The following ESYT2 variants were observed in gnomAD, a reference collection of about 807,000 sequenced individuals.
ESYT2 encodes the protein extended synaptotagmin-2.
A neutral mutation model predicts 107.2 loss-of-function variants in ESYT2; 54 were observed. That is an observed-to-expected ratio of 0.50 (90% CI 0.40 to 0.63). The LOEUF (loss-of-function observed/expected upper bound fraction) is 0.63. ESYT2 is among the 30% of genes least tolerant of loss of function. ESYT2 has a pLI of 0.00. For missense variants in ESYT2, 1,020 were observed against 1,094.5 expected, an observed-to-expected ratio of 0.93 and a Z score of 0.96; for synonymous variants, 491 against 434.1, an observed-to-expected ratio of 1.13 and a Z score of -1.63.
chr7:158,758,683 AC>A (rs1202087670), intron 13 of ESYT2, among the ~76,000 whole-genome samples: 1 of 152,198 alleles, frequency 6.6e-6, no homozygotes, highest in Non-Finnish European at 1.5e-5. Context: ...TGAAATAAAC[AC>A]TGAGTGCCTA....
At chr7:158,735,076 A>C (rs1047099212) in intron 21 of ESYT2, among the ~76,000 whole-genome samples, 1 of 152,274 alleles carries the variant, frequency 6.6e-6, no homozygotes, top group African/African-American at 2.4e-5. Flanking sequence ...ATGGCAGCAC[A>C]GCTGACGAAA....
chr7:158,735,420 G>C (rs1466400869), intron 21 of ESYT2, 83 bp downstream of exon 21: 1 of 1,169,998 alleles, frequency 8.5e-7, no homozygotes, highest in Non-Finnish European at 1.3e-6. Context: ...CACTTACACA[G>C]ACATGGTCTA....
intron 22 of ESYT2, 69 bp from the exon 23 acceptor site, chr7:158,734,321 T>C: frequency 3.7e-6 from 6 of 1,612,656 alleles, no homozygotes; most frequent in Non-Finnish European, 5.1e-6. Context: ...ATCAGATACG[T>C]GTCGGGTTCC....
intron 5 of ESYT2, 103 bp from the exon 6 acceptor site, chr7:158,788,196 ACTT>A (rs1404993476): frequency 2.8e-5 from 33 of 1,190,904 alleles, no homozygotes; most frequent in African/African-American, 2.6e-4. Flanking sequence ...TGAGCATGTG[ACTT>A]CTTATTTATC....
rs769627213 is a variant in ESYT2 at position 158,829,190 on chromosome 7, G to C, written c.229C>G (p.Arg77Gly). ...LALLAWCRRS[R>G]GLKALRLCRA... is the part of the protein sequence containing the mutation. ...CACAGGCGCAGGGCCTTGAGGCCGC[G>C]GCTGCGGCGACACCAGGCGAGCAGC... Residue 77 changes from arginine (R) to glycine (G), a missense_variant, in exon 1 of 23, where the codon CGC becomes GGC. Physicochemically the swap from Arg to Gly is moderately radical, Grantham distance 125 (BLOSUM62 -2). Coordinates refer to ENST00000275418, the MANE Select transcript of ESYT2 (RefSeq NM_001367773.1). 1.2e-5 allele frequency: 19 copies of C among 1,535,350 alleles called. No homozygotes were observed. Among genetic ancestry groups the C allele is most frequent in the East Asian group, 2.5e-5 (1 of 40,270 alleles).
chr7:158,821,919 C>T (rs573482787), intron 1 of ESYT2, among the ~76,000 whole-genome samples: 3 of 152,156 alleles, frequency 2.0e-5, no homozygotes, highest in Non-Finnish European at 2.9e-5. Context: ...ATTTATAACA[C>T]GCCCCCTTAG....
At chr7:158,739,650 C>T (rs541778564) in intron 18 of ESYT2, among the ~76,000 whole-genome samples, 12 of 152,276 alleles carry the variant, frequency 7.9e-5, no homozygotes, top group African/African-American at 2.6e-4. Flanking sequence ...GTCCAGCCAA[C>T]TGACAGTTTT....
intron 1 of ESYT2, among the ~76,000 whole-genome samples, chr7:158,814,785 C>T (rs1388559696): frequency 2.6e-5 from 4 of 152,204 alleles, no homozygotes; most frequent in South Asian, 4.1e-4. Context: ...TATGGCCAGG[C>T]GGGTACACCT....
chr7:158,828,757 G>A (rs1469568222), intron 1 of ESYT2, among the ~76,000 whole-genome samples: 2 of 152,060 alleles, frequency 1.3e-5, no homozygotes, highest in Non-Finnish European at 2.9e-5. Flanking sequence ...CCGGAGGCCG[G>A]GGCGGGGCTG....
At chr7:158,828,954 G>C in intron 1 of ESYT2, 135 bp downstream of exon 1, 1 of 1,349,216 alleles carries the variant, frequency 7.4e-7, no homozygotes, top group Non-Finnish European at 9.6e-7. Context: ...GGGGGACTAC[G>C]AAGGCGGGAG....
Position 158,829,452 on chromosome 7 carries a change from G to A in ESYT2, c.-34C>T. Reference sequence around the variant, plus strand: ...AGTGCCGCGCTGCCCTCCCGGCCGAGGCGGGCTGGGTGCTCGCGCTGATCC... The same window carrying A: ...AGTGCCGCGCTGCCCTCCCGGCCGAAGCGGGCTGGGTGCTCGCGCTGATCC... On this transcript the variant is annotated 5_prime_UTR_variant, in exon 1 of 23. Coordinates refer to ENST00000275418, the MANE Select transcript of ESYT2 (RefSeq NM_001367773.1). 8.4e-7 allele frequency: 1 copy of A among 1,197,070 alleles called. No individual in the cohort carries two copies. 74.2% of individuals were successfully genotyped at this position (1,197,070 alleles called of 1,614,324 possible).
At chr7:158,791,935 C>CTTCTTTG (rs1839305378) in intron 4 of ESYT2, among the ~76,000 whole-genome samples, 7 of 149,526 alleles carry the variant, frequency 4.7e-5, no homozygotes, top group Non-Finnish European at 8.9e-5. Flanking sequence ...GAATGTTTTT[C>CTTCTTTG]TATTTATTTG....
chr7:158,820,119 C>T (rs948737772), intron 1 of ESYT2, among the ~76,000 whole-genome samples: 1 of 152,158 alleles, frequency 6.6e-6, no homozygotes, highest in African/African-American at 2.4e-5. Context: ...CTAGCAACTA[C>T]CATTATGGAT....
At position 158,829,355 on chromosome 7, in the gene ESYT2, G is replaced by A. The variant is rs1840563203; in HGVS notation, c.64C>T (p.Pro22Ser). Residue 22 changes from proline (P) to serine (S), a missense_variant, in exon 1 of 23, where the codon CCT becomes TCT. Pro to Ser is a moderately conservative substitution (Grantham distance 74). Transcript: ENST00000275418. ...CTCAGCACGCCCCCGGGGTTCTCAG[G>A]CGCCGCGCGGCCCCCAGCCCCGCCG... is the stretch of plus-strand genomic sequence containing the variant. ...GAGGAGGRAA[P>S]ENPGGVLSVE... is the part of the protein sequence containing the mutation. 1.4e-6 allele frequency: 2 copies of A among 1,393,578 alleles called. No individual in the cohort carries two copies. Among genetic ancestry groups the A allele is most frequent in the Non-Finnish European group, 1.9e-6 (2 of 1,077,832 alleles). 86.3% of individuals were successfully genotyped at this position (1,393,578 alleles called of 1,614,324 possible).
rs1837317989 is a variant in ESYT2, at chr7:158,744,102, C to G, written c.1645-424G>C. 3 of 158,800 alleles carry G rather than the reference C, an allele frequency of 1.9e-5. No homozygotes were observed. The South Asian group carries it at 5.3e-4, about 28-fold the overall frequency. The allele number at this position is 158,800 out of a possible 1,614,324, so 9.8% of individuals were successfully genotyped here. A position where few individuals can be genotyped will look rare whatever the true frequency, so the allele number is the denominator to read the frequency against. On this transcript the variant is annotated intron_variant, in intron 16 of 22. Transcript: ENST00000275418. ...AAACAAATGTAGAAAGGTCCACAGA[C>G]AATATTAGTCTGTAAGAAAGATATT...
At chr7:158,795,956 C>CA (rs1291597290) in intron 3 of ESYT2, among the ~76,000 whole-genome samples, 1 of 152,214 alleles carries the variant, frequency 6.6e-6, no homozygotes, top group African/African-American at 2.4e-5. Flanking sequence ...GCTTCTGAGA[C>CA]AGAGCATTCT....
intron 1 of ESYT2, among the ~76,000 whole-genome samples, chr7:158,812,433 G>A (rs1433128380): frequency 6.6e-6 from 1 of 152,200 alleles, no homozygotes; most frequent in Non-Finnish European, 1.5e-5. Context: ...CACTAGGACA[G>A]CAATAACAAT....
At chr7:158,782,527 G>A (rs1307540) in intron 6 of ESYT2, among the ~76,000 whole-genome samples, 138,965 of 147,616 alleles carry the variant, frequency 0.94, 65,468 homozygotes, top group East Asian at 0.95. Flanking sequence ...GTGGAATAGC[G>A]AGTGTAAGAA....
At chr7:158,816,920 G>A (rs531399809) in intron 1 of ESYT2, among the ~76,000 whole-genome samples, 41 of 152,290 alleles carry the variant, frequency 2.7e-4, no homozygotes, top group Admixed American at 5.9e-4. Context: ...TAATGTAGAC[G>A]GTGTTAACAA....
Sources: gnomAD v4.1 joint callset for allele counts (sites outside exome capture counted in the v4.1 genomes callset) on GRCh38, gnomAD v4.1.1 for gene constraint, MANE v1.5 for transcripts, NCBI Gene and HGNC (gene_info 2026-07-23, HGNC 2026-07-21) for gene names.